CPNE3: variants seen among roughly 807,000 people sequenced by gnomAD.
The protein encoded by CPNE3 is copine 3.
In CPNE3, 68 loss-of-function variants were observed where a neutral mutation model predicts 63.9. The observed-to-expected ratio is 1.06, with a 90% CI of 0.87 to 1.30. CPNE3 has a LOEUF of 1.30. Among genes scored for constraint, CPNE3 ranks in the 50% most tolerant of loss-of-function variants. The pLI is 0.00. For synonymous variants in CPNE3, 219 were observed against 197.5 expected (o/e 1.11, Z -0.91); for missense variants, 665 against 578.1 (o/e 1.15, Z -1.54).
At position 86,556,113 on chromosome 8, in the gene CPNE3, G is replaced by A; in HGVS notation, c.1266G>A (p.Val422=). 1 of 872,936 alleles carries A rather than the reference G, an allele frequency of 1.1e-6. No homozygotes were observed. The highest frequency in any genetic ancestry group is 1.7e-5 in the Admixed American group (1 of 59,194). The allele number at this position is 872,936 out of a possible 1,614,324, so 54.1% of individuals were successfully genotyped here. Reference sequence around the variant, plus strand: ...TCTTTTTCTGGCAGCAATATTTTGTGCTTTTGATTATTACTGATGGTGTGA... The same window carrying A: ...TCTTTTTCTGGCAGCAATATTTTGTACTTTTGATTATTACTGATGGTGTGA... ...TQQQTASQYF[V]LLIITDGVIT... is the part of the protein sequence containing the mutation. Residue 422 remains valine (V), a synonymous_variant, in exon 16 of 17, where the codon GTG becomes GTA. Coordinates refer to ENST00000517490, the MANE Select transcript of CPNE3 (RefSeq NM_003909.5).
chr8:86,533,054 A>G (rs780830031), intron 6 of CPNE3, among the ~76,000 whole-genome samples: 3 of 150,680 alleles, frequency 2.0e-5, no homozygotes, highest in Non-Finnish European at 3.0e-5. Flanking sequence ...CTATCTATCT[A>G]TCTATCTATC....
intron 2 of CPNE3, chr8:86,525,021 A>AT (rs1171127367): frequency 2.6e-5 from 4 of 151,672 alleles, no homozygotes; most frequent in African/African-American, 7.3e-5. Context: ...TGCCTGGCTA[A>AT]TTTTTGTGTT....
In CPNE3 at chr8:86,531,148, C is replaced by A; in HGVS notation, c.313-7C>A. On this transcript the variant is annotated splice_region_variant and splice_polypyrimidine_tract_variant and intron_variant, in intron 4 of 16. Transcript: ENST00000517490. ...AATGACTCTGTATCACTTTCTAATT[C>A]TAACAGATTGTTTCCAGCAAGAAGC... The A allele has an allele frequency of 1.8e-6, 2 of 1,122,060 alleles. No homozygotes were observed. The highest frequency in any genetic ancestry group is 1.2e-5 in the South Asian group (1 of 81,294). The allele number at this position is 1,122,060 out of a possible 1,614,324, so 69.5% of individuals were successfully genotyped here.
At position 86,558,471 on chromosome 8, in the gene CPNE3, G is replaced by T; in HGVS notation, c.*61G>T. ...AATGCCATCTCTCACCCCAAATCGT[G>T]TATCTGTCATTCTACGTACTTTTTA... On this transcript the variant is annotated 3_prime_UTR_variant, in exon 17 of 17. Coordinates refer to ENST00000517490, the MANE Select transcript of CPNE3 (RefSeq NM_003909.5). 2.3e-6 allele frequency: 2 copies of T among 866,820 alleles called. No homozygotes were observed. The highest frequency in any genetic ancestry group is 1.3e-5 in the South Asian group (1 of 76,156). The allele number at this position is 866,820 out of a possible 1,614,324, so 53.7% of individuals were successfully genotyped here.
At chr8:86,555,369 CT>C (rs1821298528) in intron 15 of CPNE3, among the ~76,000 whole-genome samples, 1 of 152,162 alleles carries the variant, frequency 6.6e-6, no homozygotes, top group South Asian at 2.1e-4. Context: ...TAACCATTAC[CT>C]ATTGGACCGT....
intron 2 of CPNE3, among the ~76,000 whole-genome samples, chr8:86,522,852 C>T (rs998177073): frequency 1.3e-5 from 2 of 152,130 alleles, no homozygotes; most frequent in Admixed American, 6.5e-5. Context: ...TGTAGATAGG[C>T]ACCGACTTCT....
At chr8:86,541,087 T>A (rs921887903) in intron 8 of CPNE3, among the ~76,000 whole-genome samples, 5 of 152,064 alleles carry the variant, frequency 3.3e-5, no homozygotes, top group Non-Finnish European at 7.4e-5. Flanking sequence ...ATCAAAGGGA[T>A]TTTTTGGTTT....
chr8:86,523,620 C>G (rs1416405979), intron 2 of CPNE3, among the ~76,000 whole-genome samples: 1 of 152,214 alleles, frequency 6.6e-6, no homozygotes, highest in African/African-American at 2.4e-5. Flanking sequence ...GAGTCTCACT[C>G]TGTCGCCCAG....
intron 2 of CPNE3, among the ~76,000 whole-genome samples, chr8:86,519,499 T>C (rs1820385493): frequency 6.6e-6 from 1 of 152,198 alleles, no homozygotes; most frequent in Non-Finnish European, 1.5e-5. Flanking sequence ...TAAAAGCTGA[T>C]TTATTTTGCT....
rs145180693 is a variant in CPNE3, at chr8:86,518,861, C to T, written c.-11+3362C>T. Among the ~76,000 whole-genome samples, 268 of 152,210 alleles carry T rather than the reference C, an allele frequency of 1.8e-3. 3 individuals carry two copies. Among genetic ancestry groups the T allele is most frequent in the African/African-American group, 6.2e-3 (258 of 41,526 alleles). ...GATCTCGGCTCACTGCAACCTCCAC[C>T]TCCCAGGCTCAAGCAATCCCACCTC... On this transcript the variant is annotated intron_variant, in intron 2 of 16. Transcript: ENST00000517490.
intron 8 of CPNE3, among the ~76,000 whole-genome samples, chr8:86,543,304 A>G (rs1388490840): frequency 6.6e-6 from 1 of 152,148 alleles, no homozygotes; most frequent in Non-Finnish European, 1.5e-5. Context: ...CAAAATTGAA[A>G]TTCTCGGTCT....
rs143776065 is a variant in CPNE3, at chr8:86,558,302, A to G, written c.1506A>G (p.Ala502=). The G allele has an allele frequency of 3.4e-4, 297 of 872,870 alleles. 2 individuals carry two copies. Among genetic ancestry groups the G allele is most frequent in the Middle Eastern group, 1.9e-3 (9 of 4,634 alleles). 54.1% of individuals were successfully genotyped at this position (872,870 alleles called of 1,614,324 possible). The change falls in exon 17 of 17, where the codon GCA becomes GCG. Residue 502 remains alanine, a synonymous_variant. Transcript: ENST00000517490. ...TTTTTCACAAGGCTCCAAAAGAAGC[A>G]CTTGCTCAGTGTGTCTTGGCAGAGA... ...FRQFQNAPKE[A]LAQCVLAEIP... is the part of the protein sequence containing the mutation.
In CPNE3 at chr8:86,559,906, C is replaced by G. The variant is rs1287058147; in HGVS notation, c.*1496C>G. 1 of 152,224 alleles carries G rather than the reference C, an allele frequency of 6.6e-6. No individual in the cohort carries two copies. The highest frequency in any genetic ancestry group is 6.5e-5 in the Admixed American group (1 of 15,286). 9.4% of individuals were successfully genotyped at this position (152,224 alleles called of 1,614,324 possible). A position where few individuals can be genotyped will look rare whatever the true frequency, so the allele number is the denominator to read the frequency against. On this transcript the variant is annotated 3_prime_UTR_variant, in exon 17 of 17. Coordinates refer to ENST00000517490, the MANE Select transcript of CPNE3 (RefSeq NM_003909.5). ...AAAAGCTGCCCCACAGCCCATGTCT[C>G]TTGTTCTCTGCAATGCCTCAAGGGA...
chr8:86,550,639 A>T (rs1020232164), intron 12 of CPNE3, among the ~76,000 whole-genome samples: 1 of 152,190 alleles, frequency 6.6e-6, no homozygotes, highest in African/African-American at 2.4e-5. Flanking sequence ...AAAGCTACCA[A>T]TAACCTCTGA....
In CPNE3 at chr8:86,531,231, T is replaced by TA; in HGVS notation, c.387+7dup. 9.0e-7 allele frequency: 1 copy of TA among 1,114,344 alleles called. No homozygotes were observed. Among genetic ancestry groups the TA allele is most frequent in the Non-Finnish European group, 1.4e-6 (1 of 722,970 alleles). 69.0% of individuals were successfully genotyped at this position (1,114,344 alleles called of 1,614,324 possible). On this transcript the variant is annotated splice_region_variant and intron_variant, in intron 5 of 16. Transcript: ENST00000517490. ...CCTGCAGGAAAAGGGAGCATTACGG[T>TA]AAAAATAAGATATTTGTCTTTTGTC...
chr8:86,554,415 C>G (rs1392701766), intron 14 of CPNE3, among the ~76,000 whole-genome samples: 1 of 152,180 alleles, frequency 6.6e-6, no homozygotes, highest in Non-Finnish European at 1.5e-5. Context: ...TTAGGTTTAT[C>G]GCCATCTGGT....
chr8:86,558,057 T>A (rs774680625), intron 16 of CPNE3, among the ~76,000 whole-genome samples: 3 of 152,164 alleles, frequency 2.0e-5, no homozygotes, highest in Non-Finnish European at 4.4e-5. Flanking sequence ...GTTAGAATGC[T>A]GGCACCGAAA....
intron 12 of CPNE3, among the ~76,000 whole-genome samples, chr8:86,549,975 T>C (rs1821136563): frequency 6.6e-6 from 1 of 152,196 alleles, no homozygotes; most frequent in Non-Finnish European, 1.5e-5. Flanking sequence ...AAGGAGAGAA[T>C]GGATATTGCC....
At chr8:86,518,904 G>A (rs1820372653) in intron 2 of CPNE3, among the ~76,000 whole-genome samples, 1 of 151,742 alleles carries the variant, frequency 6.6e-6, no homozygotes, top group Admixed American at 6.6e-5. Context: ...AGAATGACTG[G>A]GACCACAGGC....
Sources: allele counts gnomAD v4.1 joint callset (sites outside exome capture counted in the v4.1 genomes callset), GRCh38; gene constraint gnomAD v4.1.1; transcripts MANE v1.5; gene names NCBI Gene and HGNC (gene_info 2026-07-23, HGNC 2026-07-21).